AGAP1: variants seen among roughly 807,000 people sequenced by gnomAD.
AGAP1 encodes ArfGAP with GTPase domain, ankyrin repeat and PH domain 1, also known as arf-GAP with GTPase, ANK repeat and PH domain-containing protein 1.
In AGAP1, 29 loss-of-function variants were observed where a neutral mutation model predicts 105.3. The observed-to-expected ratio is 0.28, with a 90% CI of 0.21 to 0.38. AGAP1 has a LOEUF of 0.38. AGAP1 is among the 10% of genes least tolerant of loss of function. The pLI is 1.00. For missense variants in AGAP1, 998 were observed against 1,165.1 expected, an observed-to-expected ratio of 0.86 and a Z score of 2.09; for synonymous variants, 509 against 485.9, an observed-to-expected ratio of 1.05 and a Z score of -0.63.
At position 235,614,373 on chromosome 2, in the gene AGAP1, T is replaced by A. The variant is rs1216863782; in HGVS notation, c.164-94806T>A. On this transcript the variant is annotated intron_variant, in intron 1 of 17. Coordinates refer to ENST00000304032, the MANE Select transcript of AGAP1 (RefSeq NM_001037131.3). The surrounding 1 kb of genome is among the most constrained non-coding windows in gnomAD (Gnocchi z 4.7). Reference sequence around the variant, plus strand: ...AGGGAGCCGCTGCTCTTGCTTCAGGTCTCAGATGGCATAGGAGTGTGTGTC... The same window carrying A: ...AGGGAGCCGCTGCTCTTGCTTCAGGACTCAGATGGCATAGGAGTGTGTGTC... Among the ~76,000 whole-genome samples the A allele has an allele frequency of 6.6e-6, 1 of 152,062 alleles. No homozygotes were observed. The highest frequency in any genetic ancestry group is 1.5e-5 in the Non-Finnish European group (1 of 68,012).
In AGAP1 at chr2:235,958,370, C is replaced by T. The variant is rs557283863; in HGVS notation, c.1484-10092C>T. Among the ~76,000 whole-genome samples the T allele has an allele frequency of 2.0e-5, 3 of 152,200 alleles. No homozygotes were observed. The highest frequency in any genetic ancestry group is 2.0e-4 in the Admixed American group (3 of 15,284). On this transcript the variant is annotated intron_variant, in intron 12 of 17. Transcript: ENST00000304032. This position sits in a 1 kb window ranked among gnomAD's most constrained non-coding sequence, Gnocchi z 4.1. ...GCAGCAGTAACAGCGGGAGTCCTTG[C>T]AGCAGGGAGGCTTGCAGAGATCAAG... is the stretch of plus-strand genomic sequence containing the variant.
chr2:235,663,844 G>A lies in AGAP1; in HGVS notation c.164-45335G>A, dbSNP rs538676392. Reference sequence around the variant, plus strand: ...GGCGATATTAGAAGAGTTCCCTCCCGTGAATCCTGTAGAGGAAAATGTTAC... The same window carrying A: ...GGCGATATTAGAAGAGTTCCCTCCCATGAATCCTGTAGAGGAAAATGTTAC... On this transcript the variant is annotated intron_variant, in intron 1 of 17. Coordinates refer to ENST00000304032, the MANE Select transcript of AGAP1 (RefSeq NM_001037131.3). This position sits in a 1 kb window ranked among gnomAD's most constrained non-coding sequence, Gnocchi z 5.4. Among the ~76,000 whole-genome samples, 2 of 152,290 alleles carry A rather than the reference G, an allele frequency of 1.3e-5. No individual in the cohort carries two copies. Among genetic ancestry groups the A allele is most frequent in the African/African-American group, 2.4e-5 (1 of 41,560 alleles).
At chr2:236,010,730 T>C (rs761317769) in intron 13 of AGAP1, among the ~76,000 whole-genome samples, 4 of 152,210 alleles carry the variant, frequency 2.6e-5, no homozygotes, top group Non-Finnish European at 5.9e-5. Flanking sequence ...ACAGGAGGGC[T>C]CTGTGTGTGT....
chr2:235,665,524 T>TGA lies in AGAP1; in HGVS notation c.164-43653_164-43652dup, dbSNP rs1258937737. Among the ~76,000 whole-genome samples, 1 of 152,238 alleles carries TGA rather than the reference T, an allele frequency of 6.6e-6. No individual in the cohort carries two copies. Among genetic ancestry groups the TGA allele is most frequent in the Non-Finnish European group, 1.5e-5 (1 of 68,052 alleles). ...TGCAGAATTTTCAGTTCCTAGAAGC[T>TGA]GAGCATCATGGCAAATCTTAGCTTA... is the stretch of plus-strand genomic sequence containing the variant. On this transcript the variant is annotated intron_variant, in intron 1 of 17. Coordinates refer to ENST00000304032, the MANE Select transcript of AGAP1 (RefSeq NM_001037131.3). The surrounding 1 kb of genome is among the most constrained non-coding windows in gnomAD (Gnocchi z 5.3).
chr2:235,846,109 CT>C (rs1386369243), intron 9 of AGAP1, among the ~76,000 whole-genome samples: 3 of 152,162 alleles, frequency 2.0e-5, no homozygotes, highest in African/African-American at 7.2e-5. Context: ...ATTTAGATGT[CT>C]TTTTCTCCAT....
Position 236,130,473 on chromosome 2 carries a change from T to A in AGAP1, c.*6351T>A, listed in dbSNP as rs2060068285. The A allele has an allele frequency of 6.6e-6, 1 of 152,186 alleles. No homozygotes were observed. The highest frequency in any genetic ancestry group is 6.5e-5 in the Admixed American group (1 of 15,272). The allele number at this position is 152,186 out of a possible 1,614,324, so 9.4% of individuals were successfully genotyped here. ...GAGCAAACCCCCTTAACACACCAGC[T>A]GTTGGGAACAGCTGCCCCTAAATCC... is the stretch of plus-strand genomic sequence containing the variant. On this transcript the variant is annotated 3_prime_UTR_variant, in exon 18 of 18. Transcript: ENST00000304032. The surrounding 1 kb of genome is among the most constrained non-coding windows in gnomAD (Gnocchi z 5.8).
chr2:235,926,672 G>C (rs2052462665), intron 11 of AGAP1, among the ~76,000 whole-genome samples: 1 of 152,210 alleles, frequency 6.6e-6, no homozygotes, highest in Non-Finnish European at 1.5e-5. Context: ...TTGAAACAGA[G>C]ATTTACTCCC....
At chr2:235,710,701 A>G (rs1459401225) in intron 2 of AGAP1, among the ~76,000 whole-genome samples, 1 of 152,212 alleles carries the variant, frequency 6.6e-6, no homozygotes, top group Non-Finnish European at 1.5e-5. Flanking sequence ...GAAGCCGTCC[A>G]GGAAATGTGC....
chr2:235,658,979 T>C (rs1947862997), intron 1 of AGAP1, among the ~76,000 whole-genome samples: 1 of 152,224 alleles, frequency 6.6e-6, no homozygotes, highest in Non-Finnish European at 1.5e-5. Flanking sequence ...TCCTCCCTTC[T>C]GCTCTCACTC....
In AGAP1 at chr2:236,016,634, C is replaced by T. The variant is rs761987162; in HGVS notation, c.1646-19927C>T. Reference sequence around the variant, plus strand: ...CCAGGAGTGAGGATTTGCAGCAGTGCGAACTTCTCAGCCTTAGCTTCTCAG... The same window carrying T: ...CCAGGAGTGAGGATTTGCAGCAGTGTGAACTTCTCAGCCTTAGCTTCTCAG... On this transcript the variant is annotated intron_variant, in intron 13 of 17. Coordinates refer to ENST00000304032, the MANE Select transcript of AGAP1 (RefSeq NM_001037131.3). Among the ~76,000 whole-genome samples the T allele has an allele frequency of 5.9e-5, 9 of 152,210 alleles. No individual in the cohort carries two copies. In the South Asian group the frequency reaches 1.9e-3, roughly 32 times the overall value.
At chr2:235,592,285 G>A (rs555689095) in intron 1 of AGAP1, among the ~76,000 whole-genome samples, 7 of 151,708 alleles carry the variant, frequency 4.6e-5, no homozygotes, top group African/African-American at 1.5e-4. Flanking sequence ...GCCAGAAGGA[G>A]GAGTAGATGA....
chr2:235,653,381 A>G (rs34282712), intron 1 of AGAP1, among the ~76,000 whole-genome samples: 43,093 of 151,856 alleles, frequency 0.28, 6,851 homozygotes, highest in African/African-American at 0.41. Flanking sequence ...GGAGAATGGC[A>G]TGAAACCGGG....
intron 6 of AGAP1, among the ~76,000 whole-genome samples, chr2:235,794,590 G>A (rs1412954808): frequency 1.3e-5 from 2 of 152,124 alleles, no homozygotes; most frequent in African/African-American, 4.8e-5. Context: ...TCGTGCCTCA[G>A]CCTCCCAAGT....
chr2:236,023,498 G>A (rs1249721883), intron 13 of AGAP1, among the ~76,000 whole-genome samples: 4 of 152,216 alleles, frequency 2.6e-5, no homozygotes, highest in Admixed American at 1.3e-4. Flanking sequence ...AGGGCTTGGC[G>A]GAAGGTAAGC....
intron 1 of AGAP1, among the ~76,000 whole-genome samples, chr2:235,583,137 G>C (rs1038975176): frequency 2.6e-5 from 4 of 152,198 alleles, no homozygotes; most frequent in Non-Finnish European, 5.9e-5. Flanking sequence ...CCAGGGTCAG[G>C]TGTGGGTCCT....
At chr2:235,673,981 G>A (rs1169252765) in intron 1 of AGAP1, among the ~76,000 whole-genome samples, 1 of 152,224 alleles carries the variant, frequency 6.6e-6, no homozygotes, top group East Asian at 1.9e-4. Flanking sequence ...AAGATGGCTG[G>A]AGTCTTATTT....
rs1194836151 is a variant in AGAP1, at chr2:235,739,118, G to C, written c.311-1845G>C. Among the ~76,000 whole-genome samples the C allele has an allele frequency of 6.6e-6, 1 of 152,088 alleles. No homozygotes were observed. Among genetic ancestry groups the C allele is most frequent in the Non-Finnish European group, 1.5e-5 (1 of 68,030 alleles). ...GCTTTGTGTCAACTTATTACTCCTC[G>C]CCTGCTAGGACATCATCCCCTTTGC... On this transcript the variant is annotated intron_variant, in intron 3 of 17. Transcript: ENST00000304032. This position sits in a 1 kb window ranked among gnomAD's most constrained non-coding sequence, Gnocchi z 5.3.
In AGAP1 at chr2:235,989,915, A is replaced by G. The variant is rs898807915; in HGVS notation, c.1645+21292A>G. 2.6e-5 allele frequency among the ~76,000 whole-genome samples: 4 copies of G among 152,140 alleles called. No homozygotes were observed. The highest frequency in any genetic ancestry group is 6.5e-5 in the Admixed American group (1 of 15,272). On this transcript the variant is annotated intron_variant, in intron 13 of 17. Transcript: ENST00000304032. This position sits in a 1 kb window ranked among gnomAD's most constrained non-coding sequence, Gnocchi z 4.4. ...GAGGGGAGGGGCTGGCCAGTCAGCA[A>G]TCTGGACAGTTTAGATCATTCAAAT...
Position 235,769,216 on chromosome 2 carries a change from C to A in AGAP1, c.673+18728C>A, listed in dbSNP as rs1955221563. Among the ~76,000 whole-genome samples the A allele has an allele frequency of 5.9e-5, 9 of 152,118 alleles. No homozygotes were observed. The highest frequency in any genetic ancestry group is 3.9e-4 in the Admixed American group (6 of 15,274). ...TGGGGCCCAGGCGTGTCTTTTGTCC[C>A]CCAGTGCCTGGCACGGTGCCCTCCA... On this transcript the variant is annotated intron_variant, in intron 6 of 17. Transcript: ENST00000304032. The surrounding 1 kb of genome is among the most constrained non-coding windows in gnomAD (Gnocchi z 4.4).
Sources: gnomAD v4.1 joint callset for allele counts (sites outside exome capture counted in the v4.1 genomes callset) on GRCh38, gnomAD v4.1.1 for gene constraint, Gnocchi (gnomAD v3.1) non-coding constraint, MANE v1.5 for transcripts, NCBI Gene and HGNC (gene_info 2026-07-23, HGNC 2026-07-21) for gene names.